The following PLA2G4D variants were observed in gnomAD, a reference collection of about 807,000 sequenced individuals.
The protein encoded by PLA2G4D is phospholipase A2 group IVD, also known as cytosolic phospholipase A2 delta.
Under a neutral mutation model 94.4 loss-of-function variants are expected in PLA2G4D, and 80 were observed. The observed-to-expected ratio is 0.85, with a 90% CI of 0.71 to 1.02. PLA2G4D has a LOEUF of 1.02. Among genes scored for constraint, PLA2G4D ranks in the 50% least tolerant of loss-of-function variants. PLA2G4D has a pLI of 0.00. For missense variants in PLA2G4D, 1,050 were observed against 1,034.7 expected (o/e 1.01, Z -0.20); for synonymous variants, 438 against 440.9 (o/e 0.99, Z 0.08).
At chr15:42,081,353 G>A (rs1044877519) in intron 11 of PLA2G4D, 126 bp downstream of exon 11, 48 of 1,469,194 alleles carry the variant, frequency 3.3e-5, no homozygotes, top group Middle Eastern at 2.4e-4. Flanking sequence ...GCCCACTCAC[G>A]CTCCCATGTC....
Position 42,094,432 on chromosome 15 carries a change from G to C in PLA2G4D, c.28C>G (p.Pro10Ala). Reference protein sequence around the residue: MESLSPGGPPGHPYQGEAST... With the variant: MESLSPGGPAGHPYQGEAST... The stretch of plus-strand genomic sequence containing the variant: ...ACTGTTACCTGGTAAGGGTGGCCAG[G>C]TGGTCCCCCAGGTGACAGGCTCTCC... Residue 10 changes from proline to alanine, a missense_variant, in exon 1 of 20, where the codon CCT becomes GCT. Transcript: ENST00000290472. The C allele has an allele frequency of 6.2e-7, 1 of 1,614,028 alleles. No individual in the cohort carries two copies. Among genetic ancestry groups the C allele is most frequent in the Non-Finnish European group, 8.5e-7 (1 of 1,179,978 alleles).
At chr15:42,079,421 A>G in intron 13 of PLA2G4D, 116 bp downstream of exon 13, 1 of 1,032,286 alleles carries the variant, frequency 9.7e-7, no homozygotes, top group Non-Finnish European at 1.4e-6. Flanking sequence ...CAGACACTAA[A>G]ACACTGGCTC....
chr15:42,088,743 C>T (rs1890198708), intron 1 of PLA2G4D, among the ~76,000 whole-genome samples: 1 of 152,090 alleles, frequency 6.6e-6, no homozygotes, highest in South Asian at 2.1e-4. Context: ...AGGCACGTGG[C>T]CCCAGCAGAA....
intron 18 of PLA2G4D, chr15:42,070,310 G>C: frequency 1.9e-6 from 1 of 539,658 alleles, no homozygotes; most frequent in Admixed American, 3.9e-5. Flanking sequence ...GCTCTAGGTG[G>C]GGTCAGACCC....
intron 11 of PLA2G4D, 73 bp downstream of exon 11, chr15:42,081,406 A>G: frequency 1.3e-6 from 2 of 1,552,372 alleles, no homozygotes; most frequent in Non-Finnish European, 1.7e-6. Flanking sequence ...GTTTCTGGAG[A>G]GGCATAGGAA....
chr15:42,077,543 G>A (rs937237293), intron 13 of PLA2G4D, among the ~76,000 whole-genome samples: 3 of 152,134 alleles, frequency 2.0e-5, no homozygotes, highest in Non-Finnish European at 2.9e-5. Flanking sequence ...ACCTCTCCTA[G>A]GACCTTTGTT....
chr15:42,081,462 C>T lies in PLA2G4D; in HGVS notation c.957+17G>A, dbSNP rs752682092. ...CGTCCAGGATATCTGCACACACATCCCTCTGCACCCCCAGACCTCATCCTC... is the reference window on the plus strand; with the variant it reads ...CGTCCAGGATATCTGCACACACATCTCTCTGCACCCCCAGACCTCATCCTC... On this transcript the variant is annotated intron_variant, in intron 11 of 19. Coordinates refer to ENST00000290472, the MANE Select transcript of PLA2G4D (RefSeq NM_178034.4). The T allele has an allele frequency of 2.5e-6, 4 of 1,611,120 alleles. No homozygotes were observed. The highest frequency in any genetic ancestry group is 3.4e-6 in the Non-Finnish European group (4 of 1,178,474).
chr15:42,083,058 G>A (rs1890070293), intron 8 of PLA2G4D, 140 bp downstream of exon 8: 2 of 1,142,776 alleles, frequency 1.8e-6, no homozygotes, highest in Admixed American at 5.4e-5. Context: ...TGTCTGCCAA[G>A]AGTGAGGTGC....
chr15:42,068,889 C>A lies in PLA2G4D; in HGVS notation c.2283G>T (p.Gly761=), dbSNP rs761901333. Residue 761 remains glycine, a synonymous_variant, in exon 20 of 20, where the codon GGG becomes GGT. Coordinates refer to ENST00000290472, the MANE Select transcript of PLA2G4D (RefSeq NM_178034.4). Reference sequence around the variant, plus strand: ...TGGACAGGGTGTAGGGGCAGGTGGCCCCGGTGAGATCCACTTGGCCACCCT... The same window carrying A: ...TGGACAGGGTGTAGGGGCAGGTGGCACCGGTGAGATCCACTTGGCCACCCT... ...ELQGGQVDLT[G]ATCPYTLSNM... 1 of 1,613,070 alleles carries A rather than the reference C, an allele frequency of 6.2e-7. No homozygotes were observed. The highest frequency in any genetic ancestry group is 2.2e-5 in the East Asian group (1 of 44,892).
At chr15:42,087,828 G>A (rs555125847) in intron 1 of PLA2G4D, 128 bp from the exon 2 acceptor site, 48 of 924,362 alleles carry the variant, frequency 5.2e-5, no homozygotes, top group South Asian at 4.1e-4. Flanking sequence ...CCTGCCAGGC[G>A]TTCCGGGGAC....
chr15:42,071,097 T>C (rs368772112), intron 17 of PLA2G4D, 26 bp downstream of exon 17: 5 of 1,595,044 alleles, frequency 3.1e-6, no homozygotes, highest in Non-Finnish European at 4.3e-6. Context: ...CCTTGTGACC[T>C]AGGGACCCCT....
In PLA2G4D at chr15:42,086,194, T is replaced by TGGGGGGGGGGGGGCCC; in HGVS notation, c.387+18_387+19insGGGCCCCCCCCCCCCC. On this transcript the variant is annotated intron_variant, in intron 4 of 19. Transcript: ENST00000290472. ...GGAAGAAGTGGGGCCCACGGGGACT[T>TGGGGGGGGGGGGGCCC]CCCCACCCACCCACCCACCTGGGGA... 8 of 1,370,440 alleles carry TGGGGGGGGGGGGGCCC rather than the reference T, an allele frequency of 5.8e-6. No homozygotes were observed. Among genetic ancestry groups the TGGGGGGGGGGGGGCCC allele is most frequent in the Admixed American group, 2.9e-5 (1 of 34,018 alleles). The allele number at this position is 1,370,440 out of a possible 1,614,324, so 84.9% of individuals were successfully genotyped here.
chr15:42,081,084 G>T lies in PLA2G4D; in HGVS notation c.1007C>A (p.Thr336Asn), dbSNP rs772942723. ...GGCCAATAGGTGGCCGTAGAGTGAG[G>T]TCATGGCCCGGGCACCTCCTCCTGT... is the stretch of plus-strand genomic sequence containing the variant. ...MATGGGARAM[T>N]SLYGHLLALQ... Residue 336 changes from threonine (T) to asparagine (N), a missense_variant, in exon 12 of 20, where the codon ACC (threonine) becomes AAC (asparagine). By Grantham distance (65) the Thr-to-Asn change is moderately conservative. Transcript: ENST00000290472. The T allele has an allele frequency of 1.2e-6, 2 of 1,614,098 alleles. No individual in the cohort carries two copies. The highest frequency in any genetic ancestry group is 1.7e-5 in the Admixed American group (1 of 60,006).
chr15:42,080,389 G>A (rs1163576644), intron 12 of PLA2G4D, among the ~76,000 whole-genome samples: 1 of 152,298 alleles, frequency 6.6e-6, no homozygotes, highest in South Asian at 2.1e-4. Flanking sequence ...CTAACAGCGG[G>A]ATGCTGCACC....
Position 42,071,562 on chromosome 15 carries a change from C to A in PLA2G4D, c.1574-11G>T. ...TGTTGCTCCAGATGGCTGAGGAACA[C>A]CAAAAGAGATCAGCCTCAGGCCCCA... is the stretch of plus-strand genomic sequence containing the variant. On this transcript the variant is annotated splice_polypyrimidine_tract_variant and intron_variant, in intron 15 of 19. Coordinates refer to ENST00000290472, the MANE Select transcript of PLA2G4D (RefSeq NM_178034.4). 1 of 1,605,760 alleles carries A rather than the reference C, an allele frequency of 6.2e-7. No homozygotes were observed. Among genetic ancestry groups the A allele is most frequent in the Non-Finnish European group, 8.5e-7 (1 of 1,174,002 alleles).
In PLA2G4D at chr15:42,081,476, G is replaced by A. The variant is rs1289668423; in HGVS notation, c.957+3C>T. 6.2e-7 allele frequency: 1 copy of A among 1,613,270 alleles called. No individual in the cohort carries two copies. Among genetic ancestry groups the A allele is most frequent in the Non-Finnish European group, 8.5e-7 (1 of 1,179,546 alleles). On this transcript the variant is annotated splice_donor_region_variant and intron_variant, in intron 11 of 19. Coordinates refer to ENST00000290472, the MANE Select transcript of PLA2G4D (RefSeq NM_178034.4). ...GCACACACATCCCTCTGCACCCCCA[G>A]ACCTCATCCTCCTGCAGGTCTCTGT... is the stretch of plus-strand genomic sequence containing the variant.
intron 4 of PLA2G4D, 105 bp downstream of exon 4, chr15:42,086,108 G>A (rs1254088242): frequency 1.6e-6 from 2 of 1,237,366 alleles, no homozygotes; most frequent in Non-Finnish European, 2.2e-6. Context: ...TTCTGTGAAT[G>A]AGTTCACCCC....
rs1168698058 is a variant in PLA2G4D, at chr15:42,094,412, T to TA, written c.45+2dup. 1 of 1,613,914 alleles carries TA rather than the reference T, an allele frequency of 6.2e-7. No homozygotes were observed. Among genetic ancestry groups the TA allele is most frequent in the Non-Finnish European group, 8.5e-7 (1 of 1,179,956 alleles). ...TGCCCACATGCTCTGCAGACACTGTTACCTGGTAAGGGTGGCCAGGTGGTC... is the reference window on the plus strand; with the variant it reads ...TGCCCACATGCTCTGCAGACACTGTTAACCTGGTAAGGGTGGCCAGGTGGTC... On this transcript the variant is annotated splice_region_variant and intron_variant, in intron 1 of 19. Transcript: ENST00000290472.
chr15:42,079,974 A>G (rs1890006108), intron 12 of PLA2G4D, among the ~76,000 whole-genome samples: 1 of 152,272 alleles, frequency 6.6e-6, no homozygotes, highest in Admixed American at 6.5e-5. Flanking sequence ...TAAATTTCCT[A>G]GTAACCACAT....
Sources: allele counts gnomAD v4.1 joint callset (sites outside exome capture counted in the v4.1 genomes callset), GRCh38; gene constraint gnomAD v4.1.1; transcripts MANE v1.5; gene names NCBI Gene and HGNC (gene_info 2026-07-23, HGNC 2026-07-21).